The following METTL21C variants were observed in gnomAD, a reference collection of about 807,000 sequenced individuals.
METTL21C encodes the protein methyltransferase 21C, AARS1 lysine.
A neutral mutation model predicts 25.9 loss-of-function variants in METTL21C; 21 were observed. The ratio of observed to expected loss-of-function variants is 0.81; its 90% CI spans 0.58 to 1.17. The LOEUF is 1.17. Among genes scored for constraint, METTL21C ranks in the 50% most tolerant of loss-of-function variants. The pLI is 0.00. For missense variants in METTL21C, 312 were observed against 315.1 expected, an observed-to-expected ratio of 0.99 and a Z score of 0.07; for synonymous variants, 125 against 124.7, an observed-to-expected ratio of 1.00 and a Z score of -0.01.
upstream of METTL21C, among the ~76,000 whole-genome samples, chr13:102,697,866 TA>T (rs1344244176): frequency 5.3e-5 from 8 of 152,116 alleles, no homozygotes; most frequent in Admixed American, 5.2e-4. Flanking sequence ...GACCAGAGCT[TA>T]ACCCCATGGG....
intron 2 of METTL21C, among the ~76,000 whole-genome samples, chr13:102,687,288 A>T (rs936124386): frequency 6.6e-6 from 1 of 152,206 alleles, no homozygotes; most frequent in African/African-American, 2.4e-5. Flanking sequence ...ATTGCCTCCT[A>T]AATCTCCAAA....
chr13:102,686,954 A>G lies in METTL21C; in HGVS notation c.386T>C (p.Val129Ala), dbSNP rs1885690461. ...IGAGPGLVSI[V>A]ASILGAQVTA... ...AACAAACAAACCTAAAATACTGGCCACAATGGAAACAAGGCCTGGTCCGGC... is the reference window on the plus strand; with the variant it reads ...AACAAACAAACCTAAAATACTGGCCGCAATGGAAACAAGGCCTGGTCCGGC... The change falls in exon 3 of 4, where the codon GTG becomes GCG. Residue 129 changes from valine to alanine, a missense_variant. Val to Ala is a moderately conservative substitution (Grantham distance 64, BLOSUM62 0). Coordinates refer to ENST00000267273, the MANE Select transcript of METTL21C (RefSeq NM_001010977.3). 1 of 1,613,876 alleles carries G rather than the reference A, an allele frequency of 6.2e-7. No individual in the cohort carries two copies. The highest frequency in any genetic ancestry group is 2.2e-5 in the East Asian group (1 of 44,878).
intron 1 of METTL21C, among the ~76,000 whole-genome samples, chr13:102,691,610 A>G (rs1282912405): frequency 6.6e-6 from 1 of 151,920 alleles, no homozygotes; most frequent in East Asian, 1.9e-4. Context: ...GGCCTCCCAA[A>G]GTGCTGGGAT....
At chr13:102,695,262 A>C (rs1322165731), upstream of METTL21C, among the ~76,000 whole-genome samples, 1 of 152,182 alleles carries the variant, frequency 6.6e-6, no homozygotes, top group East Asian at 1.9e-4. Flanking sequence ...ATCCATGAGA[A>C]GGGACGGGAG....
chr13:102,702,390 T>C, the METTL21C span, among the ~76,000 whole-genome samples: 1 of 152,104 alleles, frequency 6.6e-6, no homozygotes, highest in Non-Finnish European at 1.5e-5. Context: ...CTATTTAGCA[T>C]TGTGTAGAAG....
the METTL21C span, among the ~76,000 whole-genome samples, chr13:102,703,177 T>C: frequency 2.0e-5 from 3 of 152,178 alleles, no homozygotes; most frequent in Non-Finnish European, 4.4e-5. Flanking sequence ...GATGACTAGA[T>C]CTTCAGCAAA....
chr13:102,686,972 G>A lies in METTL21C; in HGVS notation c.368C>T (p.Pro123Leu), dbSNP rs761158316. ...DAKILEIGAG[P>L]GLVSIVASIL... is the part of the protein sequence containing the mutation. ...ACTGGCCACAATGGAAACAAGGCCT[G>A]GTCCGGCACCAATTTCAAGTATTTT... Residue 123 changes from proline (P) to leucine (L), a missense_variant, in exon 3 of 4, where the codon CCA becomes CTA. Pro to Leu is a moderately conservative substitution (Grantham distance 98, BLOSUM62 -3). Transcript: ENST00000267273. The A allele has an allele frequency of 6.2e-7, 1 of 1,614,100 alleles. No homozygotes were observed. Among genetic ancestry groups the A allele is most frequent in the African/African-American group, 1.3e-5 (1 of 75,036 alleles).
upstream of METTL21C, among the ~76,000 whole-genome samples, chr13:102,696,892 C>A (rs1317865107): frequency 1.3e-5 from 2 of 152,062 alleles, no homozygotes; most frequent in Non-Finnish European, 2.9e-5. Context: ...CGGGAAGACT[C>A]CAAAGGTTCA....
At chr13:102,696,726 T>A (rs1885952437), upstream of METTL21C, among the ~76,000 whole-genome samples, 1 of 152,158 alleles carries the variant, frequency 6.6e-6, no homozygotes, top group Non-Finnish European at 1.5e-5. Flanking sequence ...AACTCCAGGC[T>A]CTGGCAATTC....
At chr13:102,704,165 C>T in the METTL21C span, among the ~76,000 whole-genome samples, 36 of 152,320 alleles carry the variant, frequency 2.4e-4, no homozygotes, top group African/African-American at 8.2e-4. Flanking sequence ...TAATTTTTAA[C>T]GTCAGAGCGC....
At chr13:102,701,539 A>G in the METTL21C span, among the ~76,000 whole-genome samples, 1 of 152,088 alleles carries the variant, frequency 6.6e-6, no homozygotes, top group Non-Finnish European at 1.5e-5. Flanking sequence ...GACCAAGACA[A>G]ACGTTTAGGG....
chr13:102,689,255 C>T (rs977164794), intron 2 of METTL21C, among the ~76,000 whole-genome samples: 8 of 152,096 alleles, frequency 5.3e-5, no homozygotes, highest in African/African-American at 4.8e-5. Flanking sequence ...ACCACTTTCT[C>T]GCTACACCAC....
At chr13:102,702,194 CAT>C in the METTL21C span, among the ~76,000 whole-genome samples, 2 of 134,900 alleles carry the variant, frequency 1.5e-5, no homozygotes, top group Non-Finnish European at 1.5e-5. Context: ...TATATATATA[CAT>C]ATATATATAT....
In METTL21C at chr13:102,688,277, A is replaced by G. The variant is rs1027156441; in HGVS notation, c.283-1220T>C. On this transcript the variant is annotated intron_variant, in intron 2 of 3. Transcript: ENST00000267273. ...CCAACCTGACCCTGTACGTCACTCC[A>G]TTTCATCCTCATCTGTTCATATTGA... is the stretch of plus-strand genomic sequence containing the variant. 7.9e-5 allele frequency among the ~76,000 whole-genome samples: 12 copies of G among 152,318 alleles called. No homozygotes were observed. In the South Asian group the frequency reaches 1.2e-3, roughly 16 times the overall value.
At chr13:102,696,944 A>G (rs1231164883), upstream of METTL21C, among the ~76,000 whole-genome samples, 2 of 152,204 alleles carry the variant, frequency 1.3e-5, no homozygotes, top group African/African-American at 2.4e-5. Context: ...GGAACAGGGC[A>G]GGGACACACA....
intron 2 of METTL21C, among the ~76,000 whole-genome samples, chr13:102,689,938 A>C (rs1051691910): frequency 3.9e-5 from 6 of 152,228 alleles, no homozygotes; most frequent in Non-Finnish European, 7.3e-5. Flanking sequence ...AAATATGGAA[A>C]TGAAGGCAAA....
intron 1 of METTL21C, among the ~76,000 whole-genome samples, chr13:102,691,288 C>G (rs953544157): frequency 6.6e-6 from 1 of 151,870 alleles, no homozygotes; most frequent in Non-Finnish European, 1.5e-5. Context: ...GCGAACTTAC[C>G]AGCAAAATTG....
intron 1 of METTL21C, among the ~76,000 whole-genome samples, chr13:102,692,756 G>A (rs916074803): frequency 2.0e-5 from 3 of 152,258 alleles, no homozygotes; most frequent in South Asian, 2.1e-4. Context: ...CTTGCAAGAC[G>A]CCTCTAATAA....
Position 102,692,077 on chromosome 13 carries a change from C to G in METTL21C, c.131-1113G>C, listed in dbSNP as rs544191879. Among the ~76,000 whole-genome samples, 34 of 152,226 alleles carry G rather than the reference C, an allele frequency of 2.2e-4. 1 individual carries two copies. The South Asian group carries it at 6.2e-3, about 28-fold the overall frequency. ...GGGAGGAAGGTCAGTTTTGTTTGCA[C>G]GAAACCTGCCTTTGTGGCCTGGGAT... is the stretch of plus-strand genomic sequence containing the variant. On this transcript the variant is annotated intron_variant, in intron 1 of 3. Coordinates refer to ENST00000267273, the MANE Select transcript of METTL21C (RefSeq NM_001010977.3).
Sources: gnomAD v4.1 joint callset for allele counts (sites outside exome capture counted in the v4.1 genomes callset) on GRCh38, gnomAD v4.1.1 for gene constraint, MANE v1.5 for transcripts, NCBI Gene and HGNC (gene_info 2026-07-23, HGNC 2026-07-21) for gene names.